The following RAPH1 variants were observed in gnomAD, a reference collection of about 807,000 sequenced individuals.
RAPH1 encodes the protein ras-associated and pleckstrin homology domains-containing protein 1.
Under a neutral mutation model 88.1 loss-of-function variants are expected in RAPH1, and 18 were observed. The observed-to-expected ratio is 0.20, with a 90% CI of 0.14 to 0.30. RAPH1 has a LOEUF of 0.30. RAPH1 is among the 10% of genes least tolerant of loss of function. The probability of loss-of-function intolerance (pLI) is 1.00; values close to 1 mark genes in which losing one functional copy is unlikely to be tolerated. For synonymous variants in RAPH1, 587 were observed against 559.0 expected (o/e 1.05, Z -0.71); for missense variants, 1,448 against 1,543.2 (o/e 0.94, Z 1.03).
rs763353052 is a variant in RAPH1, at chr2:203,441,243, G to C, written c.1947C>G (p.Leu649=). ...CTGCAGAAGGTGCAGACTGGCTGGG[G>C]AGTGGGGGAGGAGGGGGTGGTGGAG... is the stretch of plus-strand genomic sequence containing the variant. ...PPPPPPPPPP[L]PSQSAPSAGS... is the part of the protein sequence containing the mutation. Residue 649 remains leucine, a synonymous_variant, in exon 14 of 14, where the codon CTC becomes CTG. Coordinates refer to ENST00000319170, the MANE Select transcript of RAPH1 (RefSeq NM_213589.3). 6.8e-7 allele frequency: 1 copy of C among 1,464,908 alleles called. No individual in the cohort carries two copies. 90.7% of individuals were successfully genotyped at this position (1,464,908 alleles called of 1,614,324 possible). A position where few individuals can be genotyped will look rare whatever the true frequency, so the allele number is the denominator to read the frequency against.
rs1244139363 is a variant in RAPH1, at chr2:203,436,095, GTTGT to G, written c.*3338_*3341del. Reference sequence around the variant, plus strand: ...TTTAAATTTTCTTGATAAACTCAGCGTTGTTTGTTTTCAGTGACAAGAAAACATA... The same window carrying G: ...TTTAAATTTTCTTGATAAACTCAGCGTTGTTTTCAGTGACAAGAAAACATA... On this transcript the variant is annotated 3_prime_UTR_variant, in exon 14 of 14. Transcript: ENST00000319170. The G allele has an allele frequency of 2.6e-5, 4 of 152,122 alleles. No homozygotes were observed. The highest frequency in any genetic ancestry group is 2.1e-4 in the South Asian group (1 of 4,820). The allele number at this position is 152,122 out of a possible 1,614,324, so 9.4% of individuals were successfully genotyped here.
chr2:203,461,511 T>C, intron 5 of RAPH1, 103 bp from the exon 6 acceptor site: 1 of 876,268 alleles, frequency 1.1e-6, no homozygotes, highest in South Asian at 2.6e-5. Context: ...TATTTGTATA[T>C]AAATTAAAAC....
At chr2:203,467,883 T>C (rs192694203) in intron 4 of RAPH1, among the ~76,000 whole-genome samples, 1 of 151,900 alleles carries the variant, frequency 6.6e-6, no homozygotes, top group Non-Finnish European at 1.5e-5. Context: ...TTCTCCCACC[T>C]CAGCCTCCTG....
At position 203,454,495 on chromosome 2, in the gene RAPH1, C is replaced by T. The variant is rs1323780621; in HGVS notation, c.1348G>A (p.Val450Ile). ...VCFLQLDHVN[V>I]YYGQDYRNKY... is the part of the protein sequence containing the mutation. ...TTCCGATAGTCCTGGCCATAATAAACGTTGACATGATCCAGCTGGAGAAAG... is the reference window on the plus strand; with the variant it reads ...TTCCGATAGTCCTGGCCATAATAAATGTTGACATGATCCAGCTGGAGAAAG... The change falls in exon 10 of 14, where the codon GTT becomes ATT. Residue 450 changes from valine (V) to isoleucine (I), a missense_variant. Around this residue, in one of 2 missense-constraint regions of RAPH1, gnomAD observed 513 missense variants for 653.1 expected, o/e 0.79. Transcript: ENST00000319170. 6.2e-7 allele frequency: 1 copy of T among 1,613,536 alleles called. No individual in the cohort carries two copies. The highest frequency in any genetic ancestry group is 8.5e-7 in the Non-Finnish European group (1 of 1,179,836).
chr2:203,447,867 A>C (rs1369658223), intron 12 of RAPH1, 92 bp downstream of exon 12: 7 of 1,356,516 alleles, frequency 5.2e-6, no homozygotes, highest in Non-Finnish European at 7.1e-6. Context: ...CCGGTTTTTA[A>C]GAATCAAGTT....
At chr2:203,511,576 C>G (rs1559498043) in intron 1 of RAPH1, among the ~76,000 whole-genome samples, 1 of 152,198 alleles carries the variant, frequency 6.6e-6, no homozygotes, top group Non-Finnish European at 1.5e-5. Flanking sequence ...AACAAAGAAT[C>G]TATTCAAAGT....
intron 8 of RAPH1, 47 bp downstream of exon 8, chr2:203,457,483 C>G (rs749751949): frequency 1.3e-6 from 2 of 1,493,660 alleles, no homozygotes; most frequent in East Asian, 2.3e-5. Flanking sequence ...CATGCCTGGC[C>G]TAATATTTTA....
At chr2:203,462,436 C>A (rs774390120) in intron 4 of RAPH1, among the ~76,000 whole-genome samples, 1 of 152,038 alleles carries the variant, frequency 6.6e-6, no homozygotes, top group Non-Finnish European at 1.5e-5. Flanking sequence ...CATATAAAAA[C>A]CCTTTAAAAA....
chr2:203,491,541 G>A (rs1337443495), intron 2 of RAPH1, among the ~76,000 whole-genome samples: 1 of 151,108 alleles, frequency 6.6e-6, no homozygotes, highest in African/African-American at 2.4e-5. Flanking sequence ...TTTTTTTGGA[G>A]ATGAAGTCTC....
intron 2 of RAPH1, among the ~76,000 whole-genome samples, chr2:203,493,441 A>T (rs1240365579): frequency 6.6e-6 from 1 of 152,110 alleles, no homozygotes. Flanking sequence ...GCCCTTGCAT[A>T]CTTTTCTCCA....
chr2:203,475,853 T>C (rs1322277776), intron 4 of RAPH1, among the ~76,000 whole-genome samples: 1 of 151,938 alleles, frequency 6.6e-6, no homozygotes, highest in Non-Finnish European at 1.5e-5. Flanking sequence ...CTTTTAATAG[T>C]GGCAGCTAAG....
rs2098501377 is a variant in RAPH1 at position 203,439,570 on chromosome 2, G to C, written c.3620C>G (p.Pro1207Arg). ...MDDMALPPPP[P>R]ELLSDQQKAG... ...CTTCTGTTGATCAGACAGCAGTTCAGGGGGTGGTGGAGGCAATGCCATATC... is the reference window on the plus strand; with the variant it reads ...CTTCTGTTGATCAGACAGCAGTTCACGGGGTGGTGGAGGCAATGCCATATC... The change falls in exon 14 of 14, where the codon CCT (proline) becomes CGT (arginine). Residue 1207 changes from proline (P) to arginine (R), a missense_variant. By Grantham distance (103) the Pro-to-Arg change is moderately radical. Transcript: ENST00000319170. 3 of 1,614,184 alleles carry C rather than the reference G, an allele frequency of 1.9e-6. No homozygotes were observed. The highest frequency in any genetic ancestry group is 2.5e-6 in the Non-Finnish European group (3 of 1,180,024).
At chr2:203,526,416 T>C (rs1419385506) in intron 1 of RAPH1, among the ~76,000 whole-genome samples, 1 of 152,152 alleles carries the variant, frequency 6.6e-6, no homozygotes, top group Non-Finnish European at 1.5e-5. Flanking sequence ...TGCTTTAAGA[T>C]GACTTCATAT....
At position 203,440,658 on chromosome 2, in the gene RAPH1, C is replaced by T; in HGVS notation, c.2532G>A (p.Gln844=). The change falls in exon 14 of 14, where the codon CAG becomes CAA. Residue 844 remains glutamine (Q), a synonymous_variant. Coordinates refer to ENST00000319170, the MANE Select transcript of RAPH1 (RefSeq NM_213589.3). Reference sequence around the variant, plus strand: ...AGGGAGGGGGTTTTGCACAGAAGCTCTGTTGCTTGGGTAATGTTGGCGGGG... The same window carrying T: ...AGGGAGGGGGTTTTGCACAGAAGCTTTGTTGCTTGGGTAATGTTGGCGGGG... ...PVPPPTLPKQ[Q]SFCAKPPPSP... The T allele has an allele frequency of 6.7e-7, 1 of 1,501,606 alleles. No homozygotes were observed. The highest frequency in any genetic ancestry group is 8.9e-7 in the Non-Finnish European group (1 of 1,122,734). 93.0% of individuals were successfully genotyped at this position (1,501,606 alleles called of 1,614,324 possible).
intron 1 of RAPH1, among the ~76,000 whole-genome samples, chr2:203,514,454 A>G (rs1327843566): frequency 6.6e-6 from 1 of 152,190 alleles, no homozygotes; most frequent in East Asian, 1.9e-4. Context: ...CTTAGTGTAC[A>G]ACAAAATATG....
At chr2:203,461,496 T>A in intron 5 of RAPH1, 88 bp from the exon 6 acceptor site, 1 of 1,010,242 alleles carries the variant, frequency 9.9e-7, no homozygotes, top group Non-Finnish European at 1.4e-6. Flanking sequence ...AAATTTGGAT[T>A]AATGTATTTG....
At chr2:203,450,414 G>A (rs2098513873) in intron 10 of RAPH1, among the ~76,000 whole-genome samples, 1 of 152,088 alleles carries the variant, frequency 6.6e-6, no homozygotes, top group African/African-American at 2.4e-5. Flanking sequence ...GATAATATAG[G>A]CCCTCTCTTG....
At chr2:203,501,091 T>TA (rs371600268) in intron 1 of RAPH1, among the ~76,000 whole-genome samples, 2 of 152,156 alleles carry the variant, frequency 1.3e-5, no homozygotes, top group African/African-American at 4.8e-5. Flanking sequence ...CTGTGCAAGT[T>TA]ACAACTGTTG....
chr2:203,486,488 T>C (rs558951874), intron 4 of RAPH1, among the ~76,000 whole-genome samples: 13 of 152,216 alleles, frequency 8.5e-5, no homozygotes, highest in Non-Finnish European at 1.6e-4. Flanking sequence ...CAATAGGTAA[T>C]ACATACCACT....
Sources: gnomAD v4.1 joint callset for allele counts (sites outside exome capture counted in the v4.1 genomes callset) on GRCh38, gnomAD v4.1.1 for gene constraint, gnomAD v4.1.1 regional missense constraint, MANE v1.5 for transcripts, NCBI Gene and HGNC (gene_info 2026-07-23, HGNC 2026-07-21) for gene names.